The following RAB38 variants were observed in gnomAD, a reference collection of about 807,000 sequenced individuals.
RAB38 encodes ras-related protein Rab-38.
A neutral mutation model predicts 18.4 loss-of-function variants in RAB38; 15 were observed. That is an observed-to-expected ratio of 0.82 (90% CI 0.55 to 1.26). RAB38 has a LOEUF of 1.26. Ranked by LOEUF, RAB38 falls within the 50% of genes most tolerant of loss-of-function variation. The pLI, the probability that RAB38 is intolerant of heterozygous loss-of-function variation, is 0.00. For missense variants in RAB38, 294 were observed against 267.4 expected, an observed-to-expected ratio of 1.10 and a Z score of -0.69; for synonymous variants, 101 against 104.4, an observed-to-expected ratio of 0.97 and a Z score of 0.20.
At chr11:87,812,610 A>G in the RAB38 span, among the ~76,000 whole-genome samples, 1 of 152,240 alleles carries the variant, frequency 6.6e-6, no homozygotes, top group Non-Finnish European at 1.5e-5. Flanking sequence ...TCCTGACTGC[A>G]GGCGCAGGCT....
the RAB38 span, among the ~76,000 whole-genome samples, chr11:87,952,412 C>T: frequency 1.3e-5 from 2 of 152,146 alleles, no homozygotes; most frequent in Non-Finnish European, 2.9e-5. Flanking sequence ...AGGAACTGAA[C>T]AGGATCTTGT....
the RAB38 span, among the ~76,000 whole-genome samples, chr11:88,103,959 G>A: frequency 6.6e-6 from 1 of 152,104 alleles, no homozygotes; most frequent in Admixed American, 6.6e-5. Flanking sequence ...AGTGAGGGTG[G>A]AAGACCTAGC....
the RAB38 span, among the ~76,000 whole-genome samples, chr11:88,034,391 A>T: frequency 2.0e-5 from 3 of 152,364 alleles, no homozygotes; most frequent in East Asian, 5.8e-4. Context: ...TGCTGGGTTT[A>T]CAGTGGTTGT....
At chr11:87,958,271 C>G in the RAB38 span, among the ~76,000 whole-genome samples, 1 of 152,128 alleles carries the variant, frequency 6.6e-6, no homozygotes. Context: ...GGCTAAGCTA[C>G]AATGTTCTGT....
chr11:88,155,304 T>C (rs1943111728), intron 1 of RAB38, among the ~76,000 whole-genome samples: 1 of 152,090 alleles, frequency 6.6e-6, no homozygotes, highest in Non-Finnish European at 1.5e-5. Context: ...CTTCCGCCAG[T>C]AAACAAGGAT....
At chr11:88,023,104 C>T in the RAB38 span, among the ~76,000 whole-genome samples, 1 of 151,864 alleles carries the variant, frequency 6.6e-6, no homozygotes, top group African/African-American at 2.4e-5. Context: ...ACCCTGATGA[C>T]ATAAGCCTAC....
chr11:87,897,486 A>T, the RAB38 span, among the ~76,000 whole-genome samples: 1 of 151,594 alleles, frequency 6.6e-6, no homozygotes, highest in Non-Finnish European at 1.5e-5. Context: ...TTAATATTGA[A>T]CAGTGTTAAG....
the RAB38 span, among the ~76,000 whole-genome samples, chr11:88,038,423 A>G: frequency 2.0e-5 from 3 of 152,208 alleles, no homozygotes. Context: ...ATGTTTGCTT[A>G]TCATCATTTA....
At chr11:88,070,410 A>T in the RAB38 span, among the ~76,000 whole-genome samples, 1 of 152,196 alleles carries the variant, frequency 6.6e-6, no homozygotes, top group Admixed American at 6.5e-5. Context: ...AAGAACTCTA[A>T]CACTCACCGC....
the RAB38 span, among the ~76,000 whole-genome samples, chr11:88,076,832 G>A: frequency 6.7e-6 from 1 of 148,640 alleles, no homozygotes; most frequent in African/African-American, 2.5e-5. Context: ...GGTTGTGCAA[G>A]CCTATAATCC....
the RAB38 span, among the ~76,000 whole-genome samples, chr11:88,027,675 C>G: frequency 7.6e-6 from 1 of 131,534 alleles, no homozygotes; most frequent in African/African-American, 3.3e-5. Flanking sequence ...GGGGGAGGGG[C>G]GCCCGCCATT....
chr11:88,059,859 T>C, the RAB38 span, among the ~76,000 whole-genome samples: 3 of 152,210 alleles, frequency 2.0e-5, no homozygotes, highest in Admixed American at 2.0e-4. Flanking sequence ...GGCCAGCTGG[T>C]TGCAGCAGGT....
the RAB38 span, among the ~76,000 whole-genome samples, chr11:88,085,802 C>T: frequency 6.6e-6 from 1 of 151,874 alleles, no homozygotes; most frequent in Non-Finnish European, 1.5e-5. Flanking sequence ...CGTACAAAGC[C>T]TGAAGTATTT....
chr11:88,009,693 G>A, the RAB38 span, among the ~76,000 whole-genome samples: 3 of 152,162 alleles, frequency 2.0e-5, no homozygotes, highest in African/African-American at 7.2e-5. Flanking sequence ...TTAGGCAATT[G>A]TCAACTCTAG....
chr11:87,843,961 T>C, the RAB38 span, among the ~76,000 whole-genome samples: 1 of 152,200 alleles, frequency 6.6e-6, no homozygotes, highest in Non-Finnish European at 1.5e-5. Context: ...GGAGATACTA[T>C]CATGTTTTCA....
the RAB38 span, among the ~76,000 whole-genome samples, chr11:87,905,933 T>G: frequency 2.6e-5 from 4 of 151,952 alleles, no homozygotes; most frequent in Admixed American, 2.6e-4. Flanking sequence ...ATGTCCAAAC[T>G]TTGATTTCTG....
the RAB38 span, among the ~76,000 whole-genome samples, chr11:87,804,322 A>G: frequency 2.0e-5 from 3 of 152,050 alleles, no homozygotes; most frequent in African/African-American, 7.2e-5. Flanking sequence ...AGATCAAGGT[A>G]TCTGGCCCAT....
intron 2 of RAB38, among the ~76,000 whole-genome samples, chr11:88,145,976 C>A (rs1942980662): frequency 6.6e-6 from 1 of 152,068 alleles, no homozygotes; most frequent in South Asian, 2.1e-4. Flanking sequence ...GGTTAAAAAC[C>A]AAAGAATATG....
the RAB38 span, among the ~76,000 whole-genome samples, chr11:87,925,259 A>G: frequency 1.3e-5 from 2 of 152,086 alleles, no homozygotes; most frequent in Non-Finnish European, 2.9e-5. Flanking sequence ...TTAGTTTTCA[A>G]AGACTTAATT....
Sources: gnomAD v4.1 joint callset for allele counts (sites outside exome capture counted in the v4.1 genomes callset) on GRCh38, gnomAD v4.1.1 for gene constraint, MANE v1.5 for transcripts, NCBI Gene and HGNC (gene_info 2026-07-23, HGNC 2026-07-21) for gene names.